The following CCSER1 variants were observed in gnomAD, a reference collection of about 807,000 sequenced individuals.
CCSER1 encodes coiled-coil serine rich protein 1.
CCSER1 carries 41 observed loss-of-function variants against 82.0 expected under a neutral mutation model. The observed-to-expected ratio is 0.50, with a 90% CI of 0.39 to 0.65. The LOEUF is 0.65. CCSER1 is among the 30% of genes least tolerant of loss of function. The pLI is 0.00. For synonymous variants in CCSER1, 414 were observed against 383.9 expected, an observed-to-expected ratio of 1.08 and a Z score of -0.92; for missense variants, 1,119 against 1,064.2, an observed-to-expected ratio of 1.05 and a Z score of -0.72.
chr4:90,871,192 GTTC>G (rs1333920173), intron 8 of CCSER1, among the ~76,000 whole-genome samples: 1 of 150,738 alleles, frequency 6.6e-6, no homozygotes, highest in Non-Finnish European at 1.5e-5. Flanking sequence ...TTTCTGCTCT[GTTC>G]TTTATTAATT....
intron 10 of CCSER1, among the ~76,000 whole-genome samples, chr4:91,525,520 T>C (rs2110153545): frequency 6.6e-6 from 1 of 152,260 alleles, no homozygotes; most frequent in African/African-American, 2.4e-5. Flanking sequence ...ATAAACTATG[T>C]ATGGGAAATT....
intron 9 of CCSER1, among the ~76,000 whole-genome samples, chr4:91,001,037 C>T (rs1176786771): frequency 6.6e-6 from 1 of 151,968 alleles, no homozygotes; most frequent in East Asian, 1.9e-4. Flanking sequence ...TTTCACTTGG[C>T]TGTGTGTTTA....
intron 7 of CCSER1, among the ~76,000 whole-genome samples, chr4:90,805,687 A>C (rs1413535074): frequency 6.6e-6 from 1 of 152,222 alleles, no homozygotes; most frequent in Non-Finnish European, 1.5e-5. Context: ...AAGAAATAAT[A>C]GAATTGAATT....
At chr4:90,386,591 C>T (rs1324876281) in intron 3 of CCSER1, among the ~76,000 whole-genome samples, 1 of 152,090 alleles carries the variant, frequency 6.6e-6, no homozygotes. Context: ...GGACAATGAC[C>T]TACACCAATG....
At chr4:90,454,270 G>A (rs531665550) in intron 4 of CCSER1, among the ~76,000 whole-genome samples, 17 of 127,822 alleles carry the variant, frequency 1.3e-4, no homozygotes, top group Admixed American at 2.5e-4. Flanking sequence ...TCCCTATTAT[G>A]AAAGACCATG....
At chr4:90,768,843 A>G (rs933809452) in intron 7 of CCSER1, among the ~76,000 whole-genome samples, 2 of 152,196 alleles carry the variant, frequency 1.3e-5, no homozygotes, top group Non-Finnish European at 2.9e-5. Flanking sequence ...CAGTACATCT[A>G]TAGAGTGGGG....
chr4:90,170,409 T>G (rs1172076595), intron 1 of CCSER1, among the ~76,000 whole-genome samples: 2 of 151,890 alleles, frequency 1.3e-5, no homozygotes, highest in Non-Finnish European at 1.5e-5. Flanking sequence ...CTAACCTTTT[T>G]TTTTTTTTAC....
chr4:90,641,510 T>C (rs781486476), intron 6 of CCSER1, among the ~76,000 whole-genome samples: 4 of 152,170 alleles, frequency 2.6e-5, no homozygotes, highest in Non-Finnish European at 4.4e-5. Flanking sequence ...AAATCTTATA[T>C]TAAAAAACTC....
chr4:90,818,871 A>C (rs1759375551), intron 8 of CCSER1, among the ~76,000 whole-genome samples: 2 of 152,198 alleles, frequency 1.3e-5, no homozygotes, highest in Non-Finnish European at 2.9e-5. Context: ...ATTTATAGAT[A>C]CCCAGGAAAA....
At chr4:90,214,778 A>G (rs1466041435) in intron 1 of CCSER1, among the ~76,000 whole-genome samples, 2 of 152,236 alleles carry the variant, frequency 1.3e-5, no homozygotes, top group Admixed American at 6.5e-5. Flanking sequence ...TTATAAATGA[A>G]GAAGCTGAGG....
intron 5 of CCSER1, among the ~76,000 whole-genome samples, chr4:90,581,032 T>C (rs1270749134): frequency 6.6e-6 from 1 of 152,148 alleles, no homozygotes; most frequent in Non-Finnish European, 1.5e-5. Flanking sequence ...TTTTCTTACC[T>C]GAAAAACTGC....
chr4:91,310,504 T>C (rs180736173), intron 10 of CCSER1, among the ~76,000 whole-genome samples: 2 of 152,054 alleles, frequency 1.3e-5, no homozygotes, highest in Admixed American at 1.3e-4. Context: ...TATCTTCTCC[T>C]TGATGAACAT....
intron 9 of CCSER1, among the ~76,000 whole-genome samples, chr4:91,024,181 C>G (rs1740281381): frequency 6.6e-6 from 1 of 152,114 alleles, no homozygotes; most frequent in Non-Finnish European, 1.5e-5. Flanking sequence ...CCCCCCACCT[C>G]TCAATACTGC....
At chr4:91,394,532 G>A (rs1195216427) in intron 10 of CCSER1, among the ~76,000 whole-genome samples, 1 of 151,968 alleles carries the variant, frequency 6.6e-6, no homozygotes. Flanking sequence ...GGGCATTTGG[G>A]AACTAGGAGT....
intron 5 of CCSER1, among the ~76,000 whole-genome samples, chr4:90,553,126 C>T (rs900767342): frequency 3.3e-5 from 5 of 152,122 alleles, no homozygotes; most frequent in African/African-American, 7.2e-5. Context: ...CACACCACCA[C>T]GCCTAGCTAA....
rs560952293 is a variant in CCSER1, at chr4:90,911,115, C to T, written c.2095-12255C>T. 223 of 355,878 alleles carry T rather than the reference C, an allele frequency of 6.3e-4. 2 individuals are homozygous for T. Among genetic ancestry groups the T allele is most frequent in the African/African-American group, 4.3e-3 (199 of 46,818 alleles). The allele number at this position is 355,878 out of a possible 1,614,324, so 22.0% of individuals were successfully genotyped here. A position where few individuals can be genotyped will look rare whatever the true frequency, so the allele number is the denominator to read the frequency against. On this transcript the variant is annotated intron_variant, in intron 8 of 10. Transcript: ENST00000509176. ...AACGTGGAGAGAGCCAGCCTGTGTT[C>T]TTATTTAATTCCAATATCCATTGTT...
chr4:90,569,548 G>A (rs1181994838), intron 5 of CCSER1, among the ~76,000 whole-genome samples: 1 of 152,182 alleles, frequency 6.6e-6, no homozygotes. Flanking sequence ...GGCACCACAT[G>A]CCCACTGTGG....
chr4:91,552,384 A>G (rs1023237154), intron 10 of CCSER1, among the ~76,000 whole-genome samples: 29 of 151,800 alleles, frequency 1.9e-4, no homozygotes, highest in African/African-American at 5.8e-4. Context: ...AGAATGAGAC[A>G]CTGTCTTGAA....
intron 4 of CCSER1, among the ~76,000 whole-genome samples, chr4:90,413,999 T>A (rs1755415351): frequency 1.7e-5 from 2 of 119,960 alleles, no homozygotes; most frequent in African/African-American, 6.2e-5. Context: ...TATATATATA[T>A]ATATATATAT....
Sources: gnomAD v4.1 joint callset for allele counts (sites outside exome capture counted in the v4.1 genomes callset) on GRCh38, gnomAD v4.1.1 for gene constraint, MANE v1.5 for transcripts, NCBI Gene and HGNC (gene_info 2026-07-23, HGNC 2026-07-21) for gene names.